Variants in LRP6 observed in about 807,000 individuals in gnomAD.
LRP6 encodes the protein low-density lipoprotein receptor-related protein 6.
LRP6 carries 43 observed loss-of-function variants against 184.1 expected under a neutral mutation model. The ratio of observed to expected loss-of-function variants is 0.23; its 90% CI spans 0.18 to 0.30. The LOEUF (loss-of-function observed/expected upper bound fraction) is 0.30, where lower values mean the gene tolerates loss of function less well. LRP6 is among the 10% of genes least tolerant of loss of function. The probability of loss-of-function intolerance (pLI) is 1.00; values close to 1 mark genes in which losing one functional copy is unlikely to be tolerated. For synonymous variants in LRP6, 719 were observed against 684.9 expected, an observed-to-expected ratio of 1.05 and a Z score of -0.78; for missense variants, 1,571 against 2,005.3, an observed-to-expected ratio of 0.78 and a Z score of 4.14.
At chr12:12,202,845 C>G (rs1056811070) in intron 3 of LRP6, among the ~76,000 whole-genome samples, 2 of 152,140 alleles carry the variant, frequency 1.3e-5, no homozygotes, top group African/African-American at 4.8e-5. Context: ...GACCTCCCCT[C>G]CACCACCGGA....
chr12:12,151,476 AG>A (rs892808767), intron 12 of LRP6, among the ~76,000 whole-genome samples: 5 of 150,174 alleles, frequency 3.3e-5, no homozygotes, highest in Admixed American at 6.6e-5. Flanking sequence ...GACCCATCTA[AG>A]GAAAAAAAAA....
intron 8 of LRP6, 33 bp from the exon 9 acceptor site, chr12:12,164,595 GAC>G (rs768815274): frequency 6.3e-7 from 1 of 1,599,512 alleles, no homozygotes; most frequent in Non-Finnish European, 8.6e-7. Flanking sequence ...GGCACAGAAG[GAC>G]ACACACATTG....
Position 12,257,349 on chromosome 12 carries a change from C to T in LRP6, c.55+9332G>A, listed in dbSNP as rs536631528. Among the ~76,000 whole-genome samples, 17 of 152,040 alleles carry T rather than the reference C, an allele frequency of 1.1e-4. No individual in the cohort carries two copies. The East Asian group carries it at 2.7e-3, about 24-fold the overall frequency. On this transcript the variant is annotated intron_variant, in intron 1 of 22. Transcript: ENST00000261349. ...ATCCCAGCACTTTGGGAGGCCGAGG[C>T]GGGTGGATCACGAGGTCAGGAGATC...
intron 6 of LRP6, among the ~76,000 whole-genome samples, chr12:12,180,658 G>GA (rs34010190): frequency 2.0e-5 from 3 of 151,526 alleles, no homozygotes; most frequent in African/African-American, 4.8e-5. Context: ...TGTATTTAGG[G>GA]AAAAAAAAGT....
At chr12:12,224,849 C>G (rs1398908057) in intron 2 of LRP6, among the ~76,000 whole-genome samples, 1 of 152,072 alleles carries the variant, frequency 6.6e-6, no homozygotes, top group African/African-American at 2.4e-5. Flanking sequence ...AGACTAAGAC[C>G]AAGGATATAA....
intron 15 of LRP6, among the ~76,000 whole-genome samples, chr12:12,145,391 T>C (rs1367308505): frequency 1.3e-5 from 2 of 152,244 alleles, no homozygotes; most frequent in Non-Finnish European, 2.9e-5. Flanking sequence ...AAAATGTACA[T>C]GATACAGGAG....
At chr12:12,122,647 T>G (rs1949620231) in intron 22 of LRP6, among the ~76,000 whole-genome samples, 1 of 151,890 alleles carries the variant, frequency 6.6e-6, no homozygotes, top group South Asian at 2.1e-4. Flanking sequence ...CTGGGCACCA[T>G]AGCAAGACCC....
intron 7 of LRP6, among the ~76,000 whole-genome samples, chr12:12,173,478 G>A (rs1432200819): frequency 6.6e-6 from 1 of 152,042 alleles, no homozygotes; most frequent in Admixed American, 6.6e-5. Flanking sequence ...GGGTAGCTGG[G>A]ACTACAGTTG....
At chr12:12,209,474 G>A (rs1864149775) in intron 2 of LRP6, among the ~76,000 whole-genome samples, 1 of 152,058 alleles carries the variant, frequency 6.6e-6, no homozygotes, top group Non-Finnish European at 1.5e-5. Flanking sequence ...TACAATAAGT[G>A]AAACTAAGGC....
chr12:12,230,939 T>G (rs1199263318), intron 2 of LRP6, among the ~76,000 whole-genome samples: 2 of 151,948 alleles, frequency 1.3e-5, no homozygotes, highest in Non-Finnish European at 2.9e-5. Context: ...TCCCAGCACT[T>G]TGGGAAGCCA....
intron 1 of LRP6, among the ~76,000 whole-genome samples, chr12:12,257,368 G>A (rs1865489512): frequency 6.6e-6 from 1 of 152,042 alleles, no homozygotes; most frequent in Non-Finnish European, 1.5e-5. Context: ...CACGAGGTCA[G>A]GAGATCAGAC....
At chr12:12,178,587 C>G (rs1394327445) in intron 7 of LRP6, among the ~76,000 whole-genome samples, 2 of 152,134 alleles carry the variant, frequency 1.3e-5, no homozygotes, top group Non-Finnish European at 2.9e-5. Flanking sequence ...TATATTCAAG[C>G]TGACCAAAAT....
At chr12:12,214,548 G>A (rs1202991612) in intron 2 of LRP6, among the ~76,000 whole-genome samples, 1 of 152,068 alleles carries the variant, frequency 6.6e-6, no homozygotes, top group Admixed American at 6.5e-5. Flanking sequence ...TTCTTAAAAG[G>A]CAAAAGCTTA....
intron 1 of LRP6, among the ~76,000 whole-genome samples, chr12:12,263,848 G>C (rs921372449): frequency 6.6e-6 from 1 of 151,622 alleles, no homozygotes; most frequent in Non-Finnish European, 1.5e-5. Context: ...AAAAAAATAG[G>C]AATTCGTGAA....
intron 12 of LRP6, among the ~76,000 whole-genome samples, chr12:12,154,923 T>C (rs1950130065): frequency 6.6e-6 from 1 of 152,202 alleles, no homozygotes; most frequent in African/African-American, 2.4e-5. Flanking sequence ...AGGCCAGGCG[T>C]AGTGGCTCAT....
intron 2 of LRP6, among the ~76,000 whole-genome samples, chr12:12,208,363 T>C (rs1166909496): frequency 6.6e-6 from 1 of 152,154 alleles, no homozygotes; most frequent in South Asian, 2.1e-4. Context: ...CATTTAACAA[T>C]CAACAAAAAA....
In LRP6 at chr12:12,120,025, AT is replaced by A. The variant is rs1565519272; in HGVS notation, c.*1100del. ...TATATATATATATATATATATATAT[AT>A]ATATATATATATATATAAATGATTT... On this transcript the variant is annotated 3_prime_UTR_variant, in exon 23 of 23. Transcript: ENST00000261349. 10 of 115,174 alleles carry A rather than the reference AT, an allele frequency of 8.7e-5. No individual in the cohort carries two copies. Among genetic ancestry groups the A allele is most frequent in the African/African-American group, 2.7e-4 (9 of 32,932 alleles). The allele number at this position is 115,174 out of a possible 1,614,324, so 7.1% of individuals were successfully genotyped here.
At chr12:12,217,805 A>G (rs1864387473) in intron 2 of LRP6, among the ~76,000 whole-genome samples, 1 of 152,238 alleles carries the variant, frequency 6.6e-6, no homozygotes, top group Admixed American at 6.5e-5. Flanking sequence ...TGTTCAACAA[A>G]TAGTGCTGGG....
At chr12:12,195,213 C>T (rs566478820) in intron 3 of LRP6, among the ~76,000 whole-genome samples, 15 of 152,216 alleles carry the variant, frequency 9.9e-5, no homozygotes, top group Middle Eastern at 3.4e-3. Flanking sequence ...TGGGTAAATG[C>T]CAAGTAGTGG....
Sources: gnomAD v4.1 joint callset for allele counts (sites outside exome capture counted in the v4.1 genomes callset) on GRCh38, gnomAD v4.1.1 for gene constraint, MANE v1.5 for transcripts, NCBI Gene and HGNC (gene_info 2026-07-23, HGNC 2026-07-21) for gene names.